The following CSMD3 variants were observed in gnomAD, a reference collection of about 807,000 sequenced individuals.
CSMD3 encodes the protein CUB and Sushi multiple domains 3, also known as CUB and sushi domain-containing protein 3.
In CSMD3, 177 loss-of-function variants were observed where a neutral mutation model predicts 435.2. That is an observed-to-expected ratio of 0.41 (90% CI 0.36 to 0.46). The LOEUF (loss-of-function observed/expected upper bound fraction) is 0.46, where lower values mean the gene tolerates loss of function less well. Among genes scored for constraint, CSMD3 ranks in the 20% least tolerant of loss-of-function variants. CSMD3 has a pLI of 0.34. For missense variants in CSMD3, 4,265 were observed against 4,504.6 expected, an observed-to-expected ratio of 0.95 and a Z score of 1.52; for synonymous variants, 1,656 against 1,520.5, an observed-to-expected ratio of 1.09 and a Z score of -2.07.
At chr8:113,050,910 C>A (rs553815113) in intron 5 of CSMD3, among the ~76,000 whole-genome samples, 2 of 152,116 alleles carry the variant, frequency 1.3e-5, no homozygotes, top group African/African-American at 4.8e-5. Flanking sequence ...TATATATTCC[C>A]ATTTTACAGC....
intron 9 of CSMD3, among the ~76,000 whole-genome samples, chr8:112,932,189 A>G (rs909546021): frequency 2.6e-5 from 4 of 152,210 alleles, no homozygotes; most frequent in African/African-American, 9.6e-5. Flanking sequence ...TATGAAATCA[A>G]TCTAAGTGTC....
At chr8:112,243,906 T>TG in intron 65 of CSMD3, among the ~76,000 whole-genome samples, 1 of 151,936 alleles carries the variant, frequency 6.6e-6, no homozygotes. Flanking sequence ...CATATTGAAA[T>TG]GGGGTAGAAA....
intron 32 of CSMD3, among the ~76,000 whole-genome samples, chr8:112,442,049 T>C (rs1373425582): frequency 6.6e-6 from 1 of 152,216 alleles, no homozygotes; most frequent in Non-Finnish European, 1.5e-5. Flanking sequence ...ATTTGGCTCA[T>C]GGATCTGTAG....
intron 3 of CSMD3, among the ~76,000 whole-genome samples, chr8:113,219,471 G>T (rs139012816): frequency 1.3e-5 from 2 of 151,064 alleles, no homozygotes; most frequent in Admixed American, 6.6e-5. Flanking sequence ...TCATACCAAA[G>T]TAACAAAAAA....
intron 12 of CSMD3, among the ~76,000 whole-genome samples, chr8:112,808,011 A>G (rs982076555): frequency 3.3e-5 from 5 of 152,276 alleles, no homozygotes; most frequent in African/African-American, 1.2e-4. Flanking sequence ...ACCCCAGACT[A>G]TTACTGTACT....
At chr8:113,308,361 C>T (rs1178812357) in intron 2 of CSMD3, among the ~76,000 whole-genome samples, 3 of 149,904 alleles carry the variant, frequency 2.0e-5, no homozygotes, top group Non-Finnish European at 3.0e-5. Context: ...CTCCGCCTCC[C>T]GGGTTCACGC....
chr8:112,481,275 T>A (rs775529947), intron 31 of CSMD3, among the ~76,000 whole-genome samples: 1 of 152,088 alleles, frequency 6.6e-6, no homozygotes, highest in East Asian at 1.9e-4. Flanking sequence ...TTAGAAGAAA[T>A]TTCAAAACAT....
Position 112,224,546 on chromosome 8 carries a change from G to A in CSMD3, c.*225C>T. The stretch of plus-strand genomic sequence containing the variant: ...TTTTTAAAAAAAGCAAATAAACTGT[G>A]AGTAAGCACTCTCAGAGTGCAGCCA... On this transcript the variant is annotated 3_prime_UTR_variant, in exon 71 of 71. Coordinates refer to ENST00000297405, the MANE Select transcript of CSMD3 (RefSeq NM_198123.2). 1.7e-6 allele frequency: 1 copy of A among 575,542 alleles called. No homozygotes were observed. The highest frequency in any genetic ancestry group is 3.1e-6 in the Non-Finnish European group (1 of 320,790). 35.7% of individuals were successfully genotyped at this position (575,542 alleles called of 1,614,324 possible).
chr8:112,506,258 T>G (rs1047265709), intron 29 of CSMD3, among the ~76,000 whole-genome samples: 2 of 152,172 alleles, frequency 1.3e-5, no homozygotes, highest in African/African-American at 4.8e-5. Flanking sequence ...TATTGTATAT[T>G]TAAGCTTAAC....
intron 43 of CSMD3, 98 bp from the exon 44 acceptor site, chr8:112,336,927 A>G (rs1037529398): frequency 9.8e-7 from 1 of 1,024,318 alleles, no homozygotes; most frequent in Non-Finnish European, 1.5e-6. Flanking sequence ...AGCATTATGA[A>G]ACACATTTAT....
At chr8:112,586,509 T>C (rs190347311) in intron 23 of CSMD3, among the ~76,000 whole-genome samples, 5 of 151,576 alleles carry the variant, frequency 3.3e-5, no homozygotes, top group Admixed American at 3.3e-4. Context: ...ATAAATAATG[T>C]TTACACCGAT....
intron 3 of CSMD3, among the ~76,000 whole-genome samples, chr8:113,228,337 A>G (rs1477305011): frequency 6.6e-6 from 1 of 151,614 alleles, no homozygotes; most frequent in Non-Finnish European, 1.5e-5. Context: ...ATGATTACAT[A>G]GTGCTTTGTA....
At chr8:113,156,732 C>CTAAA (rs34302914) in intron 4 of CSMD3, among the ~76,000 whole-genome samples, 18,357 of 105,478 alleles carry the variant, frequency 0.17, 1,416 homozygotes, top group Non-Finnish European at 0.21. Context: ...AAAATCTCAC[C>CTAAA]TAAATAAATA....
chr8:113,426,876 C>G (rs2094638486), intron 1 of CSMD3, among the ~76,000 whole-genome samples: 1 of 151,360 alleles, frequency 6.6e-6, no homozygotes, highest in Non-Finnish European at 1.5e-5. Context: ...GTAAATGTAC[C>G]TTTATCTGGG....
At chr8:113,170,395 A>T (rs2092246431) in intron 4 of CSMD3, among the ~76,000 whole-genome samples, 1 of 152,180 alleles carries the variant, frequency 6.6e-6, no homozygotes, top group Non-Finnish European at 1.5e-5. Flanking sequence ...GAATATTAGT[A>T]ACACGTGAGA....
chr8:112,782,330 T>C lies in CSMD3; in HGVS notation c.1972+17832A>G, dbSNP rs565872945. Among the ~76,000 whole-genome samples, 7 of 151,820 alleles carry C rather than the reference T, an allele frequency of 4.6e-5. No individual in the cohort carries two copies. In the East Asian group the frequency reaches 7.8e-4, roughly 17 times the overall value. On this transcript the variant is annotated intron_variant, in intron 13 of 70. Coordinates refer to ENST00000297405, the MANE Select transcript of CSMD3 (RefSeq NM_198123.2). ...ATGCATCAGTCTCCCAACAGCAAAA[T>C]TGATCAAACAGAAGAAACAATTAGT...
intron 6 of CSMD3, among the ~76,000 whole-genome samples, chr8:113,017,430 G>A (rs2086507387): frequency 9.9e-6 from 1 of 101,282 alleles, no homozygotes. Context: ...CTTAATATTT[G>A]AGGTAGGAGA....
intron 31 of CSMD3, among the ~76,000 whole-genome samples, chr8:112,480,495 A>G (rs531712442): frequency 6.6e-6 from 1 of 152,124 alleles, no homozygotes; most frequent in South Asian, 2.1e-4. Flanking sequence ...AATCCTCAAT[A>G]TTGGAGGTGG....
At chr8:113,424,259 C>G (rs2094623394) in intron 1 of CSMD3, among the ~76,000 whole-genome samples, 1 of 151,630 alleles carries the variant, frequency 6.6e-6, no homozygotes, top group Admixed American at 6.6e-5. Context: ...GCAAAATTAG[C>G]ATTGATGAAA....
Sources: gnomAD v4.1 joint callset for allele counts (sites outside exome capture counted in the v4.1 genomes callset) on GRCh38, gnomAD v4.1.1 for gene constraint, MANE v1.5 for transcripts, NCBI Gene and HGNC (gene_info 2026-07-23, HGNC 2026-07-21) for gene names.